CTNNA3: variants seen among roughly 807,000 people sequenced by gnomAD.
CTNNA3 encodes catenin alpha-3.
A neutral mutation model predicts 95.7 loss-of-function variants in CTNNA3; 76 were observed. The ratio of observed to expected loss-of-function variants is 0.79; its 90% CI spans 0.66 to 0.96. The LOEUF is 0.96. Among genes scored for constraint, CTNNA3 ranks in the 40% least tolerant of loss-of-function variants. The probability of loss-of-function intolerance (pLI) is 0.00; values close to 1 mark genes in which losing one functional copy is unlikely to be tolerated. For synonymous variants in CTNNA3, 431 were observed against 374.4 expected, an observed-to-expected ratio of 1.15 and a Z score of -1.74; for missense variants, 1,191 against 1,089.8, an observed-to-expected ratio of 1.09 and a Z score of -1.31.
intron 10 of CTNNA3, among the ~76,000 whole-genome samples, chr10:66,542,135 A>G (rs1206374259): frequency 6.6e-6 from 1 of 152,212 alleles, no homozygotes; most frequent in Non-Finnish European, 1.5e-5. Flanking sequence ...GACACATGAA[A>G]AAATGCTCAT....
intron 16 of CTNNA3, among the ~76,000 whole-genome samples, chr10:65,983,550 T>G (rs2078366471): frequency 6.6e-6 from 1 of 151,528 alleles, no homozygotes; most frequent in South Asian, 2.1e-4. Flanking sequence ...TTATTCTGTT[T>G]AATTCACAAG....
chr10:66,562,149 T>G (rs879598277), intron 10 of CTNNA3, among the ~76,000 whole-genome samples: 3 of 152,108 alleles, frequency 2.0e-5, no homozygotes, highest in African/African-American at 2.4e-5. Context: ...ACATTGTGCA[T>G]CTCACAGAAT....
At chr10:66,477,474 G>A (rs566215634) in intron 11 of CTNNA3, among the ~76,000 whole-genome samples, 1 of 152,192 alleles carries the variant, frequency 6.6e-6, no homozygotes, top group Admixed American at 6.5e-5. Flanking sequence ...GTGGTTGACA[G>A]TAATTTCAAT....
chr10:67,518,014 C>T (rs2133149104), intron 5 of CTNNA3, among the ~76,000 whole-genome samples: 1 of 152,120 alleles, frequency 6.6e-6, no homozygotes, highest in African/African-American at 2.4e-5. Context: ...AATGTTAAGT[C>T]CTTTATACAT....
intron 2 of CTNNA3, among the ~76,000 whole-genome samples, chr10:67,617,618 T>C (rs1425983646): frequency 6.6e-6 from 1 of 152,138 alleles, no homozygotes; most frequent in African/African-American, 2.4e-5. Flanking sequence ...TGGGTATATA[T>C]CCAGTAATGG....
At chr10:66,621,197 A>C (rs1303757167) in intron 10 of CTNNA3, among the ~76,000 whole-genome samples, 2 of 152,190 alleles carry the variant, frequency 1.3e-5, no homozygotes, top group Non-Finnish European at 2.9e-5. Context: ...TAATTACTAA[A>C]AATAAATCAA....
intron 14 of CTNNA3, among the ~76,000 whole-genome samples, chr10:66,088,124 T>C (rs1213389864): frequency 6.6e-6 from 1 of 152,060 alleles, no homozygotes; most frequent in East Asian, 1.9e-4. Flanking sequence ...TATAAAATTA[T>C]GCACAAACTC....
intron 3 of CTNNA3, among the ~76,000 whole-genome samples, chr10:67,551,281 A>G (rs113992111): frequency 0.016 from 2,512 of 152,246 alleles, 76 homozygotes; most frequent in African/African-American, 0.055. Flanking sequence ...GGACGTGAAG[A>G]GGACATCAAG....
intron 12 of CTNNA3, among the ~76,000 whole-genome samples, chr10:66,308,271 T>G (rs1371049661): frequency 6.6e-6 from 1 of 152,228 alleles, no homozygotes; most frequent in Non-Finnish European, 1.5e-5. Flanking sequence ...CATTGTTTGA[T>G]ATAATCATAT....
rs185233328 is a variant in CTNNA3 at position 66,831,886 on chromosome 10, C to G, written c.1048-56362G>C. On this transcript the variant is annotated intron_variant, in intron 7 of 17. Transcript: ENST00000433211. Reference sequence around the variant, plus strand: ...AATTCATTCAATTTAAGACATAGTTCAAGCTTTCAAAAACTAATGAGGATA... The same window carrying G: ...AATTCATTCAATTTAAGACATAGTTGAAGCTTTCAAAAACTAATGAGGATA... 2.0e-5 allele frequency among the ~76,000 whole-genome samples: 3 copies of G among 152,144 alleles called. No individual in the cohort carries two copies. The East Asian group carries it at 5.8e-4, about 29-fold the overall frequency.
intron 5 of CTNNA3, among the ~76,000 whole-genome samples, chr10:67,486,382 A>C (rs1019577310): frequency 1.3e-5 from 2 of 152,084 alleles, no homozygotes; most frequent in African/African-American, 4.8e-5. Context: ...ATTCCAATAG[A>C]TCTTCTAGTT....
chr10:66,534,637 C>G (rs1449356258), intron 10 of CTNNA3, among the ~76,000 whole-genome samples: 1 of 149,452 alleles, frequency 6.7e-6, no homozygotes, highest in Admixed American at 6.7e-5. Flanking sequence ...TTTGGGCAAC[C>G]CAATCTTTGT....
intron 2 of CTNNA3, among the ~76,000 whole-genome samples, chr10:67,615,949 C>A (rs973063190): frequency 6.6e-6 from 1 of 152,082 alleles, no homozygotes; most frequent in African/African-American, 2.4e-5. Flanking sequence ...CAGGCGTGAG[C>A]CACTGCACCT....
At chr10:66,804,873 G>C (rs1390312923) in intron 7 of CTNNA3, among the ~76,000 whole-genome samples, 1 of 152,014 alleles carries the variant, frequency 6.6e-6, no homozygotes, top group African/African-American at 2.4e-5. Flanking sequence ...ACTGGAACTT[G>C]GGAGCTTGAA....
intron 9 of CTNNA3, among the ~76,000 whole-genome samples, chr10:66,643,422 AT>A (rs1845584478): frequency 6.6e-6 from 1 of 152,132 alleles, no homozygotes; most frequent in Non-Finnish European, 1.5e-5. Flanking sequence ...GTCAACATTT[AT>A]TTTAGAAACT....
At chr10:67,690,878 C>T (rs1193162900) in intron 1 of CTNNA3, among the ~76,000 whole-genome samples, 2 of 152,174 alleles carry the variant, frequency 1.3e-5, no homozygotes, top group African/African-American at 4.8e-5. Context: ...CCCTCTCCGT[C>T]TCTGTCTCCC....
intron 15 of CTNNA3, among the ~76,000 whole-genome samples, chr10:65,992,009 CA>C (rs1365404104): frequency 1.3e-5 from 2 of 151,892 alleles, no homozygotes; most frequent in African/African-American, 4.8e-5. Context: ...GAGATGATCA[CA>C]TTTTTTAATC....
rs773653366 is a variant in CTNNA3, at chr10:66,892,635, T to C, written c.1048-117111A>G. Reference sequence around the variant, plus strand: ...ATTCTTGAAGTCAGAAATAGTGGCATCCAGGGTTAAACTTCAGCATTCATG... The same window carrying C: ...ATTCTTGAAGTCAGAAATAGTGGCACCCAGGGTTAAACTTCAGCATTCATG... On this transcript the variant is annotated intron_variant, in intron 7 of 17. Coordinates refer to ENST00000433211, the MANE Select transcript of CTNNA3 (RefSeq NM_013266.4). 3.9e-5 allele frequency among the ~76,000 whole-genome samples: 6 copies of C among 152,082 alleles called. No homozygotes were observed. In the East Asian group the frequency reaches 5.8e-4, roughly 15 times the overall value.
At chr10:66,674,852 T>G (rs1334419939) in intron 9 of CTNNA3, among the ~76,000 whole-genome samples, 2 of 152,114 alleles carry the variant, frequency 1.3e-5, no homozygotes, top group Admixed American at 1.3e-4. Context: ...AAGGTTGATT[T>G]ATTCCCAGGT....
Sources: gnomAD v4.1 joint callset for allele counts (sites outside exome capture counted in the v4.1 genomes callset) on GRCh38, gnomAD v4.1.1 for gene constraint, MANE v1.5 for transcripts, NCBI Gene and HGNC (gene_info 2026-07-23, HGNC 2026-07-21) for gene names.